DSCAM: variants seen among roughly 807,000 people sequenced by gnomAD.
The protein encoded by DSCAM is DS cell adhesion molecule.
Under a neutral mutation model 217.7 loss-of-function variants are expected in DSCAM, and 47 were observed. The observed-to-expected ratio is 0.22, with a 90% CI of 0.17 to 0.28. The LOEUF is 0.28. Ranked by LOEUF, DSCAM falls within the 10% of genes least tolerant of loss-of-function variation. The pLI is 1.00. For synonymous variants in DSCAM, 1,056 were observed against 1,015.3 expected, an observed-to-expected ratio of 1.04 and a Z score of -0.76; for missense variants, 2,080 against 2,618.3, an observed-to-expected ratio of 0.79 and a Z score of 4.49.
At chr21:40,399,181 G>T (rs2075209783) in intron 3 of DSCAM, among the ~76,000 whole-genome samples, 1 of 152,144 alleles carries the variant, frequency 6.6e-6, no homozygotes, top group Admixed American at 6.5e-5. Flanking sequence ...GAGGCAGGAA[G>T]ACTGCTTGAA....
intron 3 of DSCAM, among the ~76,000 whole-genome samples, chr21:40,550,388 G>C (rs550734257): frequency 6.6e-6 from 1 of 152,278 alleles, no homozygotes; most frequent in African/African-American, 2.4e-5. Context: ...ACTCAGGCAT[G>C]GTGGCACGCG....
In DSCAM at chr21:40,301,528, C is replaced by G. The variant is rs141402312; in HGVS notation, c.2063-5354G>C. ...CATCTTAGCTTAGCACTCACTCAGT[C>G]AGGCACATTTGTTTCTGATGCTGTG... On this transcript the variant is annotated intron_variant, in intron 9 of 32. Coordinates refer to ENST00000400454, the MANE Select transcript of DSCAM (RefSeq NM_001389.5). Among the ~76,000 whole-genome samples, 792 of 131,014 alleles carry G rather than the reference C, an allele frequency of 6.0e-3. 4 individuals carry two copies. Among genetic ancestry groups the G allele is most frequent in the African/African-American group, 0.026 (746 of 28,394 alleles). 86.0% of individuals were successfully genotyped at this position (131,014 alleles called of 152,430 possible).
chr21:40,347,110 C>T (rs2074566452), intron 6 of DSCAM, among the ~76,000 whole-genome samples: 1 of 152,048 alleles, frequency 6.6e-6, no homozygotes, highest in South Asian at 2.1e-4. Context: ...ACCAGCCTGA[C>T]CAACATGGAG....
chr21:40,334,277 T>C (rs935525652), intron 8 of DSCAM, among the ~76,000 whole-genome samples: 4 of 152,130 alleles, frequency 2.6e-5, no homozygotes, highest in African/African-American at 4.8e-5. Context: ...CTTTGTTTAG[T>C]GTGTATTTCA....
At chr21:40,785,511 TAG>T (rs1254859297) in intron 1 of DSCAM, among the ~76,000 whole-genome samples, 2 of 152,206 alleles carry the variant, frequency 1.3e-5, no homozygotes, top group African/African-American at 4.8e-5. Flanking sequence ...TAACAAAAAA[TAG>T]AGAGTACTTT....
intron 18 of DSCAM, among the ~76,000 whole-genome samples, chr21:40,135,514 TCTC>T (rs2090198528): frequency 6.6e-6 from 1 of 152,128 alleles, no homozygotes; most frequent in South Asian, 2.1e-4. Context: ...TCTCAGCTGC[TCTC>T]CTCAGTCGCT....
intron 27 of DSCAM, among the ~76,000 whole-genome samples, chr21:40,072,594 C>T (rs907874959): frequency 1.3e-5 from 2 of 152,046 alleles, no homozygotes; most frequent in African/African-American, 4.8e-5. Context: ...GTGATCCGCC[C>T]ACCTTGGCCT....
rs375352480 is a variant in DSCAM at position 40,219,170 on chromosome 21, G to A, written c.2357-29932C>T. On this transcript the variant is annotated intron_variant, in intron 11 of 32. Transcript: ENST00000400454. The stretch of plus-strand genomic sequence containing the variant: ...GTTCCTTCAATACCTAGTTTATTGA[G>A]AGTTTTGAAATGGAATGAGTGTTGA... 7.9e-5 allele frequency among the ~76,000 whole-genome samples: 12 copies of A among 152,296 alleles called. No individual in the cohort carries two copies. In the East Asian group the frequency reaches 1.9e-3, roughly 24 times the overall value.
chr21:40,014,540 C>T (rs2256943), intron 32 of DSCAM, among the ~76,000 whole-genome samples: 46,054 of 152,082 alleles, frequency 0.3, 7,536 homozygotes, highest in Middle Eastern at 0.43. Flanking sequence ...CGTCCCCGCC[C>T]GATGCAGGAT....
intron 16 of DSCAM, among the ~76,000 whole-genome samples, chr21:40,153,587 C>T (rs955993344): frequency 8.5e-5 from 13 of 152,214 alleles, no homozygotes; most frequent in East Asian, 1.9e-4. Flanking sequence ...GACATATCTA[C>T]GGGACAGAAC....
At chr21:40,681,225 T>A (rs2090397051) in intron 3 of DSCAM, among the ~76,000 whole-genome samples, 1 of 152,182 alleles carries the variant, frequency 6.6e-6, no homozygotes, top group African/African-American at 2.4e-5. Context: ...AAAGTGAGGA[T>A]CTGAAATGCA....
chr21:40,302,851 T>C (rs1218435889), intron 9 of DSCAM, among the ~76,000 whole-genome samples: 1 of 152,174 alleles, frequency 6.6e-6, no homozygotes, highest in East Asian at 1.9e-4. Flanking sequence ...GCTTATTTTG[T>C]GTGTGTTGGT....
intron 20 of DSCAM, among the ~76,000 whole-genome samples, chr21:40,102,290 T>C (rs1257345436): frequency 1.3e-5 from 2 of 152,224 alleles, no homozygotes; most frequent in African/African-American, 2.4e-5. Context: ...TTTACAAGAC[T>C]TCTGACATGT....
intron 24 of DSCAM, among the ~76,000 whole-genome samples, chr21:40,080,576 T>G: frequency 6.6e-6 from 1 of 152,324 alleles, no homozygotes; most frequent in South Asian, 2.1e-4. Context: ...CTGTGAAGTA[T>G]TGCTGTTTTC....
chr21:40,579,095 G>A (rs1431180994), intron 3 of DSCAM, among the ~76,000 whole-genome samples: 1 of 152,106 alleles, frequency 6.6e-6, no homozygotes, highest in Non-Finnish European at 1.5e-5. Flanking sequence ...AGGGATCAAA[G>A]GAAATCAACA....
At position 40,215,326 on chromosome 21, in the gene DSCAM, T is replaced by C. The variant is rs879085045; in HGVS notation, c.2357-26088A>G. Among the ~76,000 whole-genome samples the C allele has an allele frequency of 2.1e-5, 3 of 141,408 alleles. No homozygotes were observed. In the Admixed American group the frequency reaches 2.2e-4, roughly 10 times the overall value. The allele number at this position is 141,408 out of a possible 152,430, so 92.8% of individuals were successfully genotyped here. ...GAATGGATAAAGAAAATGTGGTTCA[T>C]ACACAACTTACCCATGTAAAAAACC... On this transcript the variant is annotated intron_variant, in intron 11 of 32. Transcript: ENST00000400454.
intron 14 of DSCAM, among the ~76,000 whole-genome samples, chr21:40,183,258 C>A (rs888339948): frequency 3.9e-5 from 6 of 152,142 alleles, no homozygotes; most frequent in African/African-American, 1.4e-4. Context: ...GGTCCCCAGA[C>A]AATATGCTCG....
intron 10 of DSCAM, among the ~76,000 whole-genome samples, chr21:40,284,285 C>G (rs1244590816): frequency 1.3e-5 from 2 of 152,232 alleles, no homozygotes; most frequent in African/African-American, 4.8e-5. Flanking sequence ...TGAGACACCA[C>G]TGGCTTGGTT....
chr21:40,509,075 T>C (rs1215413995), intron 3 of DSCAM, among the ~76,000 whole-genome samples: 2 of 152,058 alleles, frequency 1.3e-5, no homozygotes, highest in African/African-American at 4.8e-5. Context: ...CACAAAGTTA[T>C]TGTTGTTTCC....
Sources: gnomAD v4.1 joint callset for allele counts (sites outside exome capture counted in the v4.1 genomes callset) on GRCh38, gnomAD v4.1.1 for gene constraint, MANE v1.5 for transcripts, NCBI Gene and HGNC (gene_info 2026-07-23, HGNC 2026-07-21) for gene names.